The following IGF2BP3 variants were observed in gnomAD, a reference collection of about 807,000 sequenced individuals.
IGF2BP3 encodes the protein insulin like growth factor 2 mRNA binding protein 3.
IGF2BP3 carries 9 observed loss-of-function variants against 73.8 expected under a neutral mutation model. The observed-to-expected ratio is 0.12, with a 90% confidence interval of 0.07 to 0.21. The LOEUF (loss-of-function observed/expected upper bound fraction) is 0.21, where lower values mean the gene tolerates loss of function less well. Among genes scored for constraint, IGF2BP3 ranks in the 10% least tolerant of loss-of-function variants. The pLI is 1.00. For missense variants in IGF2BP3, 542 were observed against 714.0 expected, an observed-to-expected ratio of 0.76 and a Z score of 2.75; for synonymous variants, 258 against 256.7, an observed-to-expected ratio of 1.01 and a Z score of -0.05.
intron 2 of IGF2BP3, among the ~76,000 whole-genome samples, chr7:23,464,407 C>T (rs1788516396): frequency 6.6e-6 from 1 of 152,126 alleles, no homozygotes; most frequent in South Asian, 2.1e-4. Flanking sequence ...TTTAAGAGTA[C>T]AATTCAATGG....
intron 12 of IGF2BP3, among the ~76,000 whole-genome samples, chr7:23,313,924 A>T (rs754853116): frequency 3.9e-5 from 6 of 152,254 alleles, no homozygotes; most frequent in Non-Finnish European, 8.8e-5. Context: ...GGCAATTAAT[A>T]ACCTAATAAA....
chr7:23,421,692 A>G (rs1238326594), intron 2 of IGF2BP3, among the ~76,000 whole-genome samples: 1 of 141,566 alleles, frequency 7.1e-6, no homozygotes, highest in Admixed American at 6.9e-5. Flanking sequence ...CTCCATCTCA[A>G]AAAAAAAAAA....
At chr7:23,339,828 TG>T (rs1784663812) in intron 10 of IGF2BP3, among the ~76,000 whole-genome samples, 1 of 152,168 alleles carries the variant, frequency 6.6e-6, no homozygotes, top group Non-Finnish European at 1.5e-5. Flanking sequence ...ACAGAAGTGT[TG>T]GGGACACACC....
rs557062471 is a variant in IGF2BP3, at chr7:23,322,254, T to A, written c.1204-3000A>T. Among the ~76,000 whole-genome samples, 758 of 152,046 alleles carry A rather than the reference T, an allele frequency of 5.0e-3. 3 individuals carry two copies. Among genetic ancestry groups the A allele is most frequent in the Admixed American group, 0.01 (159 of 15,272 alleles). ...AGCTGATGGAGCTGAAAACCAAGGC[T>A]CGAGAACTACGTGAAGAATGCAGAA... On this transcript the variant is annotated intron_variant, in intron 10 of 14. Coordinates refer to ENST00000258729, the MANE Select transcript of IGF2BP3 (RefSeq NM_006547.3).
chr7:23,391,232 T>C (rs1411332964), intron 3 of IGF2BP3, among the ~76,000 whole-genome samples: 1 of 151,924 alleles, frequency 6.6e-6, no homozygotes, highest in Non-Finnish European at 1.5e-5. Flanking sequence ...CCTGAGTAGC[T>C]GGGATTACAG....
chr7:23,418,502 C>A lies in IGF2BP3; in HGVS notation c.285+274G>T, dbSNP rs148794807. ...CAAACTCATCAGAAAGAACTGAAATCAACAAAATCCTGTTGGGAAGTGACT... is the reference window on the plus strand; with the variant it reads ...CAAACTCATCAGAAAGAACTGAAATAAACAAAATCCTGTTGGGAAGTGACT... On this transcript the variant is annotated intron_variant, in intron 3 of 14. Coordinates refer to ENST00000258729, the MANE Select transcript of IGF2BP3 (RefSeq NM_006547.3). 2.6e-5 allele frequency among the ~76,000 whole-genome samples: 4 copies of A among 152,288 alleles called. No homozygotes were observed. The Middle Eastern group carries it at 0.014, about 518-fold the overall frequency.
chr7:23,330,725 T>G (rs944829881), intron 10 of IGF2BP3, among the ~76,000 whole-genome samples: 1 of 151,834 alleles, frequency 6.6e-6, no homozygotes, highest in Admixed American at 6.6e-5. Context: ...ATTACTCAGG[T>G]AGTTCTTTAT....
At chr7:23,421,390 C>T (rs929120048) in intron 2 of IGF2BP3, among the ~76,000 whole-genome samples, 17 of 152,112 alleles carry the variant, frequency 1.1e-4, no homozygotes, top group African/African-American at 3.4e-4. Flanking sequence ...TTATATGTTG[C>T]TTCAATTAAA....
intron 3 of IGF2BP3, among the ~76,000 whole-genome samples, chr7:23,409,558 G>A (rs1786951635): frequency 6.6e-6 from 1 of 152,020 alleles, no homozygotes; most frequent in Admixed American, 6.5e-5. Flanking sequence ...TAAATCAATG[G>A]GATAAAAGAG....
chr7:23,450,958 T>C lies in IGF2BP3; in HGVS notation c.236+17524A>G, dbSNP rs535149099. ...ACCAAAGAATATCTGTAATTATTTATACTCCTTCCTTTTCTAAACACATAT... is the reference window on the plus strand; with the variant it reads ...ACCAAAGAATATCTGTAATTATTTACACTCCTTCCTTTTCTAAACACATAT... On this transcript the variant is annotated intron_variant, in intron 2 of 14. Transcript: ENST00000258729. Among the ~76,000 whole-genome samples, 12 of 152,366 alleles carry C rather than the reference T, an allele frequency of 7.9e-5. No homozygotes were observed. The East Asian group carries it at 1.5e-3, about 20-fold the overall frequency.
chr7:23,462,483 T>C (rs1177470752), intron 2 of IGF2BP3, among the ~76,000 whole-genome samples: 1 of 152,042 alleles, frequency 6.6e-6, no homozygotes, highest in Non-Finnish European at 1.5e-5. Flanking sequence ...TGCCTCAGCC[T>C]ACCGCGTAGC....
At chr7:23,341,947 C>T in intron 10 of IGF2BP3, 117 bp downstream of exon 10, 1 of 1,156,902 alleles carries the variant, frequency 8.6e-7, no homozygotes, top group African/African-American at 1.6e-5. Flanking sequence ...AATAAGAAGG[C>T]TCCATTAGCA....
chr7:23,374,792 G>A (rs1785666142), intron 3 of IGF2BP3, among the ~76,000 whole-genome samples: 1 of 152,210 alleles, frequency 6.6e-6, no homozygotes, highest in South Asian at 2.1e-4. Context: ...TATTCCCTAA[G>A]TGTCGGCCGG....
intron 12 of IGF2BP3, among the ~76,000 whole-genome samples, chr7:23,314,937 T>TA (rs1562664391): frequency 6.6e-6 from 1 of 151,782 alleles, no homozygotes; most frequent in Admixed American, 6.6e-5. Flanking sequence ...TAGCTGGGAT[T>TA]ACAGGTGCCC....
intron 10 of IGF2BP3, among the ~76,000 whole-genome samples, chr7:23,336,606 T>C (rs1784579936): frequency 6.6e-6 from 1 of 152,014 alleles, no homozygotes; most frequent in Non-Finnish European, 1.5e-5. Context: ...CCTCGGCTCA[T>C]CGCAACGCCT....
intron 5 of IGF2BP3, among the ~76,000 whole-genome samples, chr7:23,352,169 T>C (rs754425411): frequency 3.0e-4 from 46 of 152,070 alleles, no homozygotes; most frequent in Non-Finnish European, 4.9e-4. Context: ...GTCCCTGACT[T>C]TGTGGTTTAC....
At chr7:23,326,586 T>C (rs1473200651) in intron 10 of IGF2BP3, among the ~76,000 whole-genome samples, 2 of 151,916 alleles carry the variant, frequency 1.3e-5, no homozygotes, top group African/African-American at 2.4e-5. Context: ...CAAAGGACTA[T>C]AAATCATGCT....
chr7:23,325,579 G>C (rs1005028233), intron 10 of IGF2BP3, among the ~76,000 whole-genome samples: 5 of 152,102 alleles, frequency 3.3e-5, no homozygotes, highest in Non-Finnish European at 5.9e-5. Flanking sequence ...CTACTTCAAA[G>C]TTCATACAGA....
chr7:23,426,861 T>G (rs1787525825), intron 2 of IGF2BP3, among the ~76,000 whole-genome samples: 1 of 152,208 alleles, frequency 6.6e-6, no homozygotes, highest in Non-Finnish European at 1.5e-5. Flanking sequence ...AAACCATGAT[T>G]TTCTCATTCT....
Sources: allele counts gnomAD v4.1 joint callset (sites outside exome capture counted in the v4.1 genomes callset), GRCh38; gene constraint gnomAD v4.1.1; transcripts MANE v1.5; gene names NCBI Gene and HGNC (gene_info 2026-07-23, HGNC 2026-07-21).